RNF169: variants seen among roughly 807,000 people sequenced by gnomAD.
The protein encoded by RNF169 is ring finger protein 169.
Under a neutral mutation model 53.9 loss-of-function variants are expected in RNF169, and 24 were observed. That is an observed-to-expected ratio of 0.45 (90% CI 0.32 to 0.63). RNF169 has a LOEUF of 0.63. Ranked by LOEUF, RNF169 falls within the 20% of genes least tolerant of loss-of-function variation. The pLI is 0.04. For missense variants in RNF169, 883 were observed against 906.2 expected (o/e 0.97, Z 0.33); for synonymous variants, 396 against 363.5 (o/e 1.09, Z -1.02).
chr11:74,781,801 A>G (rs1262142466), intron 1 of RNF169, among the ~76,000 whole-genome samples: 3 of 152,190 alleles, frequency 2.0e-5, no homozygotes, highest in Admixed American at 6.5e-5. Context: ...CTTGTGTTAA[A>G]TCATAGCTCT....
rs1390371742 is a variant in RNF169 at position 74,837,726 on chromosome 11, C to T, written c.*996C>T. Reference sequence around the variant, plus strand: ...ATGTTGATCTAAAATCCTAAAAAATCACCCTGAAGTCAGGCAAGGAACAAT... The same window carrying T: ...ATGTTGATCTAAAATCCTAAAAAATTACCCTGAAGTCAGGCAAGGAACAAT... On this transcript the variant is annotated 3_prime_UTR_variant, in exon 6 of 6. Coordinates refer to ENST00000299563, the MANE Select transcript of RNF169 (RefSeq NM_001098638.2). 1 of 152,212 alleles carries T rather than the reference C, an allele frequency of 6.6e-6. No individual in the cohort carries two copies. Among genetic ancestry groups the T allele is most frequent in the Admixed American group, 6.5e-5 (1 of 15,290 alleles). 9.4% of individuals were successfully genotyped at this position (152,212 alleles called of 1,614,324 possible).
At position 74,754,593 on chromosome 11, in the gene RNF169, G is replaced by T. The variant is rs146609383; in HGVS notation, c.502+5211G>T. 3.8e-3 allele frequency among the ~76,000 whole-genome samples: 577 copies of T among 152,278 alleles called. 1 individual carries two copies. The highest frequency in any genetic ancestry group is 6.5e-3 in the Non-Finnish European group (444 of 68,028). ...CCCAGCACTTTGAGAAGCAGAGGTG[G>T]GCGGATCAGTTGTGGCCAGGAGTTT... On this transcript the variant is annotated intron_variant, in intron 1 of 5. Coordinates refer to ENST00000299563, the MANE Select transcript of RNF169 (RefSeq NM_001098638.2).
At position 74,749,146 on chromosome 11, in the gene RNF169, G is replaced by A. The variant is rs1408040551; in HGVS notation, c.266G>A (p.Arg89Gln). ...CTGCCGTGCGGCCACTCGCTTTGCC[G>A]AGGCTGCGCCCAACGCGCCGCCGAC... ...AALPCGHSLCRGCAQRAADAA... is the reference protein window; with the variant it reads ...AALPCGHSLCQGCAQRAADAA... The change falls in exon 1 of 6, where the codon CGA (arginine) becomes CAA (glutamine). Residue 89 changes from arginine to glutamine, a missense_variant. By Grantham distance (43) the Arg-to-Gln change is conservative. This residue lies in a region of RNF169 where 313 missense variants were observed against 279.9 expected (regional missense o/e 1.12). Coordinates refer to ENST00000299563, the MANE Select transcript of RNF169 (RefSeq NM_001098638.2). The A allele has an allele frequency of 7.7e-7, 1 of 1,292,332 alleles. No individual in the cohort carries two copies. Among genetic ancestry groups the A allele is most frequent in the Admixed American group, 3.7e-5 (1 of 27,072 alleles). 80.1% of individuals were successfully genotyped at this position (1,292,332 alleles called of 1,614,324 possible). A position where few individuals can be genotyped will look rare whatever the true frequency, so the allele number is the denominator to read the frequency against.
At chr11:74,819,949 A>G (rs1364840744) in intron 4 of RNF169, among the ~76,000 whole-genome samples, 2 of 152,164 alleles carry the variant, frequency 1.3e-5, no homozygotes, top group African/African-American at 4.8e-5. Context: ...AGTGTGGCAC[A>G]TCAGGGGACT....
chr11:74,774,744 C>T (rs930087838), intron 1 of RNF169, among the ~76,000 whole-genome samples: 1 of 152,086 alleles, frequency 6.6e-6, no homozygotes, highest in Non-Finnish European at 1.5e-5. Context: ...CACTTGAGGT[C>T]AGGAGTTTGA....
At chr11:74,827,113 C>T (rs1028447556) in intron 4 of RNF169, among the ~76,000 whole-genome samples, 14 of 152,194 alleles carry the variant, frequency 9.2e-5, no homozygotes, top group African/African-American at 3.1e-4. Flanking sequence ...AGACTTCTGC[C>T]TGGACATCCC....
At chr11:74,831,694 G>GAAAAAAAAAAAAAAAGAACA (rs2036180391) in intron 4 of RNF169, 3 of 106,640 alleles carry the variant, frequency 2.8e-5, no homozygotes, top group African/African-American at 9.8e-5. Context: ...AAACAATCTT[G>GAAAAAAAAAAAAAAAGAACA]AAAAAAAAAA....
At chr11:74,804,108 C>G (rs1331205068) in intron 2 of RNF169, among the ~76,000 whole-genome samples, 2 of 152,148 alleles carry the variant, frequency 1.3e-5, no homozygotes, top group Non-Finnish European at 2.9e-5. Flanking sequence ...TGGGTTTTTT[C>G]TGGATACTCT....
chr11:74,796,911 C>G (rs1361903641), intron 2 of RNF169, among the ~76,000 whole-genome samples: 1 of 152,154 alleles, frequency 6.6e-6, no homozygotes, highest in East Asian at 1.9e-4. Context: ...AATGCGTTGG[C>G]TATTCACAGG....
chr11:74,785,941 C>CT lies in RNF169; in HGVS notation c.503-3667dup, dbSNP rs796451609. On this transcript the variant is annotated intron_variant, in intron 1 of 5. Coordinates refer to ENST00000299563, the MANE Select transcript of RNF169 (RefSeq NM_001098638.2). ...TGGAACATTATCTTTGTTTTCTTTT[C>CT]TTTTTTTTTTTTTTTTTTGAGACAG... is the stretch of plus-strand genomic sequence containing the variant. 9.2e-3 allele frequency among the ~76,000 whole-genome samples: 1,203 copies of CT among 130,198 alleles called. 11 individuals carry two copies. Among genetic ancestry groups the CT allele is most frequent in the African/African-American group, 0.021 (738 of 35,078 alleles). 85.4% of individuals were successfully genotyped at this position (130,198 alleles called of 152,430 possible). A position where few individuals can be genotyped will look rare whatever the true frequency, so the allele number is the denominator to read the frequency against.
At chr11:74,792,983 A>C (rs1056624695) in intron 2 of RNF169, among the ~76,000 whole-genome samples, 4 of 152,240 alleles carry the variant, frequency 2.6e-5, no homozygotes, top group Admixed American at 2.0e-4. Flanking sequence ...GGAAAATGGA[A>C]GTCTAAGCCA....
intron 1 of RNF169, among the ~76,000 whole-genome samples, chr11:74,770,031 A>G (rs192760154): frequency 7.4e-4 from 112 of 152,336 alleles, no homozygotes; most frequent in African/African-American, 2.5e-3. Context: ...GGTTCAAGCA[A>G]TCCTCCTGCC....
intron 1 of RNF169, among the ~76,000 whole-genome samples, chr11:74,772,018 C>T (rs1408289641): frequency 6.6e-6 from 1 of 152,212 alleles, no homozygotes; most frequent in African/African-American, 2.4e-5. Flanking sequence ...TGGTCCCCAA[C>T]ATTTCAGATA....
chr11:74,762,802 G>A (rs974842003), intron 1 of RNF169, among the ~76,000 whole-genome samples: 3 of 152,082 alleles, frequency 2.0e-5, no homozygotes, highest in African/African-American at 4.8e-5. Flanking sequence ...GGAAAATCTC[G>A]TTTCCAAAAA....
rs1332959606 is a variant in RNF169, at chr11:74,837,697, TG to T, written c.*968del. 1 of 152,256 alleles carries T rather than the reference TG, an allele frequency of 6.6e-6. No individual in the cohort carries two copies. Among genetic ancestry groups the T allele is most frequent in the Non-Finnish European group, 1.5e-5 (1 of 68,042 alleles). 9.4% of individuals were successfully genotyped at this position (152,256 alleles called of 1,614,324 possible). ...ACTTTTCAAATGGCCAAGGGTTATC[TG>T]CAATGTTGATCTAAAATCCTAAAAA... On this transcript the variant is annotated 3_prime_UTR_variant, in exon 6 of 6. Coordinates refer to ENST00000299563, the MANE Select transcript of RNF169 (RefSeq NM_001098638.2).
intron 1 of RNF169, among the ~76,000 whole-genome samples, chr11:74,788,806 T>C (rs992325692): frequency 6.6e-6 from 1 of 152,254 alleles, no homozygotes; most frequent in East Asian, 1.9e-4. Flanking sequence ...GTTTTATTGT[T>C]ACATCTTCTT....
At chr11:74,795,167 A>G (rs756525957) in intron 2 of RNF169, among the ~76,000 whole-genome samples, 6 of 150,066 alleles carry the variant, frequency 4.0e-5, no homozygotes, top group Non-Finnish European at 7.4e-5. Flanking sequence ...TCCACTGAAC[A>G]GCATATTTTT....
chr11:74,767,865 A>T (rs1040124400), intron 1 of RNF169, among the ~76,000 whole-genome samples: 1 of 151,542 alleles, frequency 6.6e-6, no homozygotes. Context: ...AAAAATAGAG[A>T]TGGGGTTTCA....
intron 1 of RNF169, among the ~76,000 whole-genome samples, chr11:74,751,517 G>A (rs2034895160): frequency 6.6e-6 from 1 of 152,194 alleles, no homozygotes; most frequent in African/African-American, 2.4e-5. Flanking sequence ...TACCAGTTCT[G>A]AATTTGAACC....
Sources: allele counts gnomAD v4.1 joint callset (sites outside exome capture counted in the v4.1 genomes callset), GRCh38; gene constraint gnomAD v4.1.1; regional missense constraint gnomAD v4.1.1; transcripts MANE v1.5; gene names NCBI Gene and HGNC (gene_info 2026-07-23, HGNC 2026-07-21).